Variants in GPAT3 observed in about 807,000 individuals in gnomAD.
GPAT3 encodes the protein glycerol-3-phosphate acyltransferase 3.
Under a neutral mutation model 58.8 loss-of-function variants are expected in GPAT3, and 53 were observed. The ratio of observed to expected loss-of-function variants is 0.90; its 90% confidence interval spans 0.72 to 1.13. The LOEUF (loss-of-function observed/expected upper bound fraction) is 1.13. Among genes scored for constraint, GPAT3 ranks in the 50% most tolerant of loss-of-function variants. GPAT3 has a pLI of 0.00. For synonymous variants in GPAT3, 197 were observed against 187.4 expected, an observed-to-expected ratio of 1.05 and a Z score of -0.42; for missense variants, 511 against 527.6, an observed-to-expected ratio of 0.97 and a Z score of 0.31.
Position 83,597,385 on chromosome 4 carries a change from A to T in GPAT3, c.911-45A>T, listed in dbSNP as rs766207528. On this transcript the variant is annotated intron_variant, in intron 8 of 11. Transcript: ENST00000264409. ...TCTTTTAAAATTTATTTTTAAAATG[A>T]CTGCCTTTAAAAATATTCACGCTCC... 1.2e-5 allele frequency: 12 copies of T among 998,008 alleles called. 1 individual carries two copies. In the South Asian group the frequency reaches 2.8e-4, roughly 23 times the overall value. The allele number at this position is 998,008 out of a possible 1,614,324, so 61.8% of individuals were successfully genotyped here.
chr4:83,576,789 A>G (rs1028363555), intron 2 of GPAT3, among the ~76,000 whole-genome samples: 1 of 152,168 alleles, frequency 6.6e-6, no homozygotes, highest in Admixed American at 6.5e-5. Context: ...CTTACTCATT[A>G]AGGCCAGAGT....
At chr4:83,540,777 C>G (rs943387651) in intron 1 of GPAT3, among the ~76,000 whole-genome samples, 1 of 152,158 alleles carries the variant, frequency 6.6e-6, no homozygotes, top group Non-Finnish European at 1.5e-5. Flanking sequence ...GCAACCTCCC[C>G]CTCCCGGATT....
intron 1 of GPAT3, among the ~76,000 whole-genome samples, chr4:83,542,297 G>C (rs902853324): frequency 2.0e-5 from 3 of 152,208 alleles, no homozygotes; most frequent in African/African-American, 7.2e-5. Flanking sequence ...AAAGCTTTAA[G>C]TAAAAAACTA....
chr4:83,575,370 A>G (rs543223210), intron 2 of GPAT3, among the ~76,000 whole-genome samples: 1 of 152,220 alleles, frequency 6.6e-6, no homozygotes, highest in East Asian at 1.9e-4. Context: ...AGAAAGTAAC[A>G]TTATGTTTTC....
rs528243212 is a variant in GPAT3 at position 83,552,992 on chromosome 4, C to A, written c.208+8390C>A. On this transcript the variant is annotated intron_variant, in intron 2 of 11. Transcript: ENST00000264409. ...AGAGAGCCCTCACCAGAACCTGACC[C>A]CACTGGCCCCCTGATCTTGGACTTC... Among the ~76,000 whole-genome samples the A allele has an allele frequency of 2.4e-4, 37 of 152,284 alleles. 1 individual carries two copies. In the South Asian group the frequency reaches 7.3e-3, roughly 30 times the overall value.
intron 7 of GPAT3, among the ~76,000 whole-genome samples, chr4:83,595,765 T>C (rs988106694): frequency 1.3e-5 from 2 of 151,776 alleles, no homozygotes; most frequent in African/African-American, 4.8e-5. Flanking sequence ...AGAAGGAACC[T>C]CTGGGGTTTA....
intron 2 of GPAT3, among the ~76,000 whole-genome samples, chr4:83,545,132 A>G (rs753520190): frequency 3.3e-5 from 5 of 152,302 alleles, no homozygotes; most frequent in Non-Finnish European, 7.4e-5. Flanking sequence ...AAGGCTCAGA[A>G]AAGTCCTGCA....
chr4:83,578,109 G>A (rs1725887689), intron 2 of GPAT3, among the ~76,000 whole-genome samples: 1 of 152,024 alleles, frequency 6.6e-6, no homozygotes, highest in South Asian at 2.1e-4. Context: ...CCTCACTGTG[G>A]TTTGAGTTTG....
intron 2 of GPAT3, among the ~76,000 whole-genome samples, chr4:83,575,241 C>A (rs1725764508): frequency 6.6e-6 from 1 of 152,026 alleles, no homozygotes; most frequent in Non-Finnish European, 1.5e-5. Flanking sequence ...AATTTGAGGC[C>A]TAACGCATAG....
intron 2 of GPAT3, among the ~76,000 whole-genome samples, chr4:83,557,679 C>T (rs1452368988): frequency 6.6e-6 from 1 of 152,192 alleles, no homozygotes; most frequent in Non-Finnish European, 1.5e-5. Flanking sequence ...ACTCATGTCT[C>T]ATTGTTTTGG....
intron 2 of GPAT3, among the ~76,000 whole-genome samples, chr4:83,547,287 C>G (rs1724561840): frequency 8.3e-6 from 1 of 120,150 alleles, no homozygotes. Context: ...GAGTCTTGCT[C>G]TGTCACCCAG....
chr4:83,536,992 TGGTCGAAG>T (rs1300241793), intron 1 of GPAT3, among the ~76,000 whole-genome samples: 1 of 152,220 alleles, frequency 6.6e-6, no homozygotes, highest in Non-Finnish European at 1.5e-5. Flanking sequence ...GTTGTTTCTC[TGGTCGAAG>T]GCGAAAAAAT....
intron 2 of GPAT3, among the ~76,000 whole-genome samples, chr4:83,547,281 C>T (rs547952709): frequency 2.0e-4 from 21 of 107,176 alleles, no homozygotes; most frequent in African/African-American, 7.3e-4. Context: ...GAGATGGAGT[C>T]TTGCTCTGTC....
At chr4:83,571,519 C>T (rs1033884779) in intron 2 of GPAT3, among the ~76,000 whole-genome samples, 2 of 151,290 alleles carry the variant, frequency 1.3e-5, no homozygotes, top group African/African-American at 4.9e-5. Context: ...GTATTTTTCT[C>T]AATGTAAGTA....
intron 2 of GPAT3, 124 bp downstream of exon 2, chr4:83,544,726 C>T: frequency 2.1e-6 from 2 of 936,360 alleles, no homozygotes; most frequent in Non-Finnish European, 1.6e-6. Flanking sequence ...TTTCATAATT[C>T]TGTCAGTGTA....
At chr4:83,580,804 A>G (rs1317881499) in intron 2 of GPAT3, among the ~76,000 whole-genome samples, 1 of 152,168 alleles carries the variant, frequency 6.6e-6, no homozygotes. Context: ...ATTTTCATAT[A>G]TTAAAAAATC....
chr4:83,567,181 C>T (rs1445016389), intron 2 of GPAT3, among the ~76,000 whole-genome samples: 3 of 152,076 alleles, frequency 2.0e-5, no homozygotes, highest in Admixed American at 2.0e-4. Flanking sequence ...CTGGCTGATA[C>T]TCCCTGCAGT....
chr4:83,545,837 T>C (rs1190104350), intron 2 of GPAT3, among the ~76,000 whole-genome samples: 1 of 152,196 alleles, frequency 6.6e-6, no homozygotes, highest in Non-Finnish European at 1.5e-5. Flanking sequence ...ACTTTGTTGC[T>C]GGTTTTCTGT....
rs1437551002 is a variant in GPAT3, at chr4:83,588,071, AGACTAT to A, written c.555-138_555-133del. On this transcript the variant is annotated intron_variant, in intron 4 of 11. Coordinates refer to ENST00000264409, the MANE Select transcript of GPAT3 (RefSeq NM_032717.5). ...AATGAGACTATAACAATTGACTATA[AGACTAT>A]AAGAATTGAACTGTACCTGTTCACC... The A allele has an allele frequency of 2.0e-5, 13 of 650,216 alleles. No individual in the cohort carries two copies. The Middle Eastern group carries it at 1.3e-3, about 63-fold the overall frequency. 40.3% of individuals were successfully genotyped at this position (650,216 alleles called of 1,614,324 possible). A position where few individuals can be genotyped will look rare whatever the true frequency, so the allele number is the denominator to read the frequency against.
Sources: gnomAD v4.1 joint callset for allele counts (sites outside exome capture counted in the v4.1 genomes callset) on GRCh38, gnomAD v4.1.1 for gene constraint, MANE v1.5 for transcripts, NCBI Gene and HGNC (gene_info 2026-07-23, HGNC 2026-07-21) for gene names.